TRPS1: variants seen among roughly 807,000 people sequenced by gnomAD.
TRPS1 encodes the protein zinc finger transcription factor Trps1.
In TRPS1, 6 loss-of-function variants were observed where a neutral mutation model predicts 101.2. The ratio of observed to expected loss-of-function variants is 0.06; its 90% confidence interval spans 0.03 to 0.12. TRPS1 has a LOEUF of 0.12. Ranked by LOEUF, TRPS1 falls within the 10% of genes least tolerant of loss-of-function variation. The pLI is 1.00. For missense variants in TRPS1, 1,363 were observed against 1,567.0 expected, an observed-to-expected ratio of 0.87 and a Z score of 2.20; for synonymous variants, 578 against 589.8, an observed-to-expected ratio of 0.98 and a Z score of 0.29.
chr8:115,567,242 A>T (rs1324613130), intron 5 of TRPS1, among the ~76,000 whole-genome samples: 3 of 152,194 alleles, frequency 2.0e-5, no homozygotes, highest in African/African-American at 7.2e-5. Context: ...TAATAAATCA[A>T]CATGGACAGA....
At chr8:115,658,718 T>C (rs1046311802) in intron 1 of TRPS1, among the ~76,000 whole-genome samples, 6 of 152,126 alleles carry the variant, frequency 3.9e-5, no homozygotes, top group African/African-American at 9.7e-5. Context: ...AAAAAGTACA[T>C]GATGTACATA....
chr8:115,450,401 C>T (rs897142314), intron 5 of TRPS1, among the ~76,000 whole-genome samples: 2 of 152,088 alleles, frequency 1.3e-5, no homozygotes, highest in African/African-American at 2.4e-5. Context: ...TCATTCTTCA[C>T]GCTATTTAAC....
At chr8:115,543,043 T>C (rs1816489929) in intron 5 of TRPS1, among the ~76,000 whole-genome samples, 1 of 152,094 alleles carries the variant, frequency 6.6e-6, no homozygotes, top group Admixed American at 6.6e-5. Flanking sequence ...CAGCAAGTCA[T>C]TATGGCAGTT....
chr8:115,667,444 C>T (rs944868190), intron 1 of TRPS1, among the ~76,000 whole-genome samples: 7 of 152,194 alleles, frequency 4.6e-5, no homozygotes, highest in African/African-American at 1.7e-4. Flanking sequence ...TCTCTAGATC[C>T]CAAACAGGAA....
chr8:115,668,056 A>C, intron 1 of TRPS1: 2 of 403,638 alleles, frequency 5.0e-6, no homozygotes, highest in Admixed American at 3.5e-5. Flanking sequence ...TGCGAGGGGG[A>C]GGGGGCACCG....
chr8:115,490,110 G>A (rs988111639), intron 5 of TRPS1, among the ~76,000 whole-genome samples: 1 of 152,032 alleles, frequency 6.6e-6, no homozygotes, highest in African/African-American at 2.4e-5. Flanking sequence ...AGATATCAGT[G>A]CAAGGCACAC....
intron 5 of TRPS1, among the ~76,000 whole-genome samples, chr8:115,436,532 C>A (rs1292094863): frequency 6.6e-6 from 1 of 152,050 alleles, no homozygotes; most frequent in Non-Finnish European, 1.5e-5. Flanking sequence ...GTTTCTAAAA[C>A]TTATTATTAT....
intron 5 of TRPS1, among the ~76,000 whole-genome samples, chr8:115,461,395 G>A (rs943571979): frequency 1.3e-5 from 2 of 152,062 alleles, no homozygotes; most frequent in Non-Finnish European, 2.9e-5. Context: ...ATGATAGATA[G>A]ATAGACCATC....
At chr8:115,668,274 AG>A (rs1346335801) in intron 1 of TRPS1, 1 of 234,098 alleles carries the variant, frequency 4.3e-6, no homozygotes, top group Non-Finnish European at 8.3e-6. Context: ...ACGCTCAAAA[AG>A]GAAGAAAGAA....
intron 5 of TRPS1, among the ~76,000 whole-genome samples, chr8:115,467,425 T>A (rs1434018218): frequency 6.6e-6 from 1 of 151,292 alleles, no homozygotes; most frequent in Non-Finnish European, 1.5e-5. Context: ...CAATTTGACC[T>A]TTTGTTAAAA....
chr8:115,534,075 G>C (rs949007038), intron 5 of TRPS1, among the ~76,000 whole-genome samples: 7 of 148,174 alleles, frequency 4.7e-5, no homozygotes, highest in African/African-American at 1.7e-4. Context: ...ATCTAACCCC[G>C]ATACCATCAC....
chr8:115,504,398 C>T (rs1815391619), intron 5 of TRPS1, among the ~76,000 whole-genome samples: 1 of 152,164 alleles, frequency 6.6e-6, no homozygotes, highest in Admixed American at 6.5e-5. Flanking sequence ...AGACCAGGAG[C>T]TGTGATTCTT....
intron 5 of TRPS1, among the ~76,000 whole-genome samples, chr8:115,543,889 T>A (rs184124097): frequency 1.4e-4 from 21 of 152,238 alleles, no homozygotes; most frequent in Admixed American, 1.3e-3. Context: ...ACACGTTCGA[T>A]GCTCATGTCT....
chr8:115,530,345 A>G (rs564986081), intron 5 of TRPS1, among the ~76,000 whole-genome samples: 1 of 152,282 alleles, frequency 6.6e-6, no homozygotes, highest in South Asian at 2.1e-4. Flanking sequence ...AAGACAAGAC[A>G]AAGTCCAGAA....
intron 1 of TRPS1, among the ~76,000 whole-genome samples, chr8:115,630,031 CAGAA>C (rs1016187515): frequency 2.0e-5 from 3 of 151,732 alleles, no homozygotes; most frequent in African/African-American, 7.3e-5. Flanking sequence ...AACAAAAGAT[CAGAA>C]AGAAAGAAAT....
intron 5 of TRPS1, among the ~76,000 whole-genome samples, chr8:115,444,381 A>G (rs1056325928): frequency 6.6e-6 from 1 of 152,234 alleles, no homozygotes; most frequent in African/African-American, 2.4e-5. Context: ...CAGGTGCTCA[A>G]TACATTTTCG....
rs10588354 is a variant in TRPS1 at position 115,562,876 on chromosome 8, CTGTGTGTGTGTGTGTG to C, written c.2700+24109_2700+24124del. ...TGCCTACTCCCCCTACCCACAGTGT[CTGTGTGTGTGTGTGTG>C]TGTGTGTGTGTGTGTGTGTGTGTGT... On this transcript the variant is annotated intron_variant, in intron 5 of 6. Coordinates refer to ENST00000395715, the MANE Select transcript of TRPS1 (RefSeq NM_014112.5). Among the ~76,000 whole-genome samples, 67 of 132,680 alleles carry C rather than the reference CTGTGTGTGTGTGTGTG, an allele frequency of 5.0e-4. 1 individual carries two copies. Among genetic ancestry groups the C allele is most frequent in the African/African-American group, 9.2e-4 (34 of 36,926 alleles). 87.0% of individuals were successfully genotyped at this position (132,680 alleles called of 152,430 possible). A position where few individuals can be genotyped will look rare whatever the true frequency, so the allele number is the denominator to read the frequency against.
rs1817570976 is a variant in TRPS1 at position 115,586,917 on chromosome 8, A to G, written c.2700+84T>C. 4 of 1,600,036 alleles carry G rather than the reference A, an allele frequency of 2.5e-6. No individual in the cohort carries two copies. In the Admixed American group the frequency reaches 5.0e-5, roughly 20 times the overall value. On this transcript the variant is annotated intron_variant, in intron 5 of 6. Transcript: ENST00000395715. ...GATCATTAAGTTTCACTTCACACAC[A>G]ACACAATCCTGTAGAGAAAGAATGT...
intron 1 of TRPS1, among the ~76,000 whole-genome samples, chr8:115,659,060 T>C (rs893873688): frequency 2.0e-5 from 3 of 152,052 alleles, no homozygotes; most frequent in South Asian, 2.1e-4. Flanking sequence ...AGTGATGGGA[T>C]AGAGTAAAAT....
Sources: gnomAD v4.1 joint callset for allele counts (sites outside exome capture counted in the v4.1 genomes callset) on GRCh38, gnomAD v4.1.1 for gene constraint, MANE v1.5 for transcripts, NCBI Gene and HGNC (gene_info 2026-07-23, HGNC 2026-07-21) for gene names.